Variants in PLEKHA7 observed in about 807,000 individuals in gnomAD.
The protein encoded by PLEKHA7 is pleckstrin homology domain-containing family A member 7.
PLEKHA7 carries 104 observed loss-of-function variants against 170.0 expected under a neutral mutation model. That is an observed-to-expected ratio of 0.61 (90% confidence interval 0.52 to 0.72). PLEKHA7 has a LOEUF of 0.72. Ranked by LOEUF, PLEKHA7 falls within the 30% of genes least tolerant of loss-of-function variation. The pLI, the probability that PLEKHA7 is intolerant of heterozygous loss-of-function variation, is 0.00. For synonymous variants in PLEKHA7, 648 were observed against 660.8 expected (o/e 0.98, Z 0.30); for missense variants, 1,615 against 1,671.7 (o/e 0.97, Z 0.59).
At chr11:16,903,525 T>C (rs1254864842) in intron 3 of PLEKHA7, among the ~76,000 whole-genome samples, 1 of 152,202 alleles carries the variant, frequency 6.6e-6, no homozygotes, top group East Asian at 1.9e-4. Flanking sequence ...TCTTTCATTT[T>C]TTTGTTGCCA....
chr11:16,871,182 G>T lies in PLEKHA7; in HGVS notation c.222C>A (p.Asp74Glu), dbSNP rs111789964. 6.2e-7 allele frequency: 1 copy of T among 1,603,310 alleles called. No homozygotes were observed. The highest frequency in any genetic ancestry group is 2.2e-5 in the East Asian group (1 of 44,758). Residue 74 changes from aspartate to glutamate, a missense_variant and splice_region_variant, in exon 4 of 27, where the codon GAC (aspartate) becomes GAA (glutamate). By Grantham distance (45) the Asp-to-Glu change is conservative. Coordinates refer to ENST00000531066, the MANE Select transcript of PLEKHA7 (RefSeq NM_001329630.2). Reference protein sequence around the residue: ...FTEEGASYFIDHNQQTTAFRH... With the variant: ...FTEEGASYFIEHNQQTTAFRH... ...TGAATGCTGTGGTCTGCTGGTTATG[G>T]CTAAAGAGAAAGAGAGAAGATGGAT...
chr11:16,913,110 G>T (rs1303818082), intron 3 of PLEKHA7, among the ~76,000 whole-genome samples: 1 of 152,146 alleles, frequency 6.6e-6, no homozygotes, highest in Non-Finnish European at 1.5e-5. Context: ...CTCCCACAAT[G>T]ACAGCCGGAT....
At chr11:16,866,075 C>T (rs1405492018) in intron 4 of PLEKHA7, among the ~76,000 whole-genome samples, 5 of 151,590 alleles carry the variant, frequency 3.3e-5, no homozygotes, top group Non-Finnish European at 5.9e-5. Context: ...CTGACCCACC[C>T]GCCTTGGCCT....
intron 3 of PLEKHA7, among the ~76,000 whole-genome samples, chr11:16,895,896 T>C (rs996460277): frequency 3.9e-5 from 6 of 152,150 alleles, no homozygotes; most frequent in Admixed American, 1.3e-4. Context: ...CCAAAATTGA[T>C]TAAGAGAGAA....
At chr11:16,890,359 G>C (rs759423097) in intron 3 of PLEKHA7, among the ~76,000 whole-genome samples, 5 of 152,072 alleles carry the variant, frequency 3.3e-5, no homozygotes, top group African/African-American at 1.2e-4. Flanking sequence ...CTGGTGGAAT[G>C]GATTTAAAAA....
At position 16,826,565 on chromosome 11, in the gene PLEKHA7, C is replaced by G; in HGVS notation, c.898G>C (p.Ala300Pro). 6.2e-7 allele frequency: 1 copy of G among 1,613,668 alleles called. No homozygotes were observed. The highest frequency in any genetic ancestry group is 8.5e-7 in the Non-Finnish European group (1 of 1,179,906). Residue 300 changes from alanine to proline, a missense_variant, in exon 10 of 27, where the codon GCT becomes CCT. Physicochemically the swap from Ala to Pro is conservative, Grantham distance 27. Coordinates refer to ENST00000531066, the MANE Select transcript of PLEKHA7 (RefSeq NM_001329630.2). ...KRDMEKVERQ[A>P]VPQANHTESC... ...TCTGTGTGGTTGGCCTGGGGGACAG[C>G]CTGCCGCTCCACCTTCTCCATATCC...
intron 23 of PLEKHA7, chr11:16,786,690 C>T (rs1849419615): frequency 1.0e-6 from 1 of 985,282 alleles, no homozygotes; most frequent in African/African-American, 1.7e-5. Flanking sequence ...AGAGGGTGAC[C>T]TCCAAACAAC....
chr11:16,981,150 C>T (rs1006132221), intron 3 of PLEKHA7, among the ~76,000 whole-genome samples: 17 of 151,768 alleles, frequency 1.1e-4, no homozygotes, highest in Admixed American at 1.0e-3. Context: ...CAGATGAGGC[C>T]CTTACAAGGA....
At chr11:16,845,909 T>C (rs1379047228) in intron 8 of PLEKHA7, among the ~76,000 whole-genome samples, 2 of 152,020 alleles carry the variant, frequency 1.3e-5, no homozygotes, top group Non-Finnish European at 2.9e-5. Context: ...GGACTGGATA[T>C]GGGAGGAGAG....
At chr11:16,818,396 T>C (rs527374203) in intron 10 of PLEKHA7, among the ~76,000 whole-genome samples, 211 of 152,366 alleles carry the variant, frequency 1.4e-3, no homozygotes, top group African/African-American at 4.7e-3. Context: ...CTTACTCTTA[T>C]AACACTGTTC....
In PLEKHA7 at chr11:16,789,497, A is replaced by G. The variant is rs1020403467; in HGVS notation, c.3157-201T>C. 1 of 627,102 alleles carries G rather than the reference A, an allele frequency of 1.6e-6. No individual in the cohort carries two copies. The highest frequency in any genetic ancestry group is 1.8e-5 in the African/African-American group (1 of 54,456). 38.8% of individuals were successfully genotyped at this position (627,102 alleles called of 1,614,324 possible). A position where few individuals can be genotyped will look rare whatever the true frequency, so the allele number is the denominator to read the frequency against. ...CTCAGGAGCTTTCTGAGTAGCACCC[A>G]TTCTGCAGATGCAGACACTTAGGCT... On this transcript the variant is annotated intron_variant, in intron 22 of 26. Coordinates refer to ENST00000531066, the MANE Select transcript of PLEKHA7 (RefSeq NM_001329630.2). The surrounding 1 kb of genome is among the most constrained non-coding windows in gnomAD (Gnocchi z 4.6).
chr11:16,900,757 T>A (rs1857275539), intron 3 of PLEKHA7, among the ~76,000 whole-genome samples: 1 of 152,072 alleles, frequency 6.6e-6, no homozygotes, highest in Non-Finnish European at 1.5e-5. Context: ...ACTCATGAGA[T>A]CTCTCACTTT....
rs1864259178 is a variant in PLEKHA7, at chr11:16,995,062, T to A, written c.221+18927A>T. ...ATATCCTACACACAGTAGTACTTTC[T>A]ATATTCAAGACTATTCTGAGTACTT... On this transcript the variant is annotated intron_variant, in intron 3 of 26. Coordinates refer to ENST00000531066, the MANE Select transcript of PLEKHA7 (RefSeq NM_001329630.2). 2.6e-5 allele frequency among the ~76,000 whole-genome samples: 4 copies of A among 152,242 alleles called. No individual in the cohort carries two copies. In the South Asian group the frequency reaches 8.3e-4, roughly 32 times the overall value.
At chr11:16,869,259 G>GTC (rs1854640316) in intron 4 of PLEKHA7, among the ~76,000 whole-genome samples, 1 of 152,168 alleles carries the variant, frequency 6.6e-6, no homozygotes, top group South Asian at 2.1e-4. Flanking sequence ...GCCCCTGACT[G>GTC]TCATCTCCCA....
intron 3 of PLEKHA7, among the ~76,000 whole-genome samples, chr11:16,899,128 A>T (rs1013233922): frequency 2.0e-5 from 3 of 152,226 alleles, no homozygotes; most frequent in Non-Finnish European, 4.4e-5. Flanking sequence ...GAGCTCTTGG[A>T]TGGTGTTTTC....
At chr11:16,811,438 G>A (rs556149710) in intron 13 of PLEKHA7, among the ~76,000 whole-genome samples, 4 of 152,320 alleles carry the variant, frequency 2.6e-5, no homozygotes, top group African/African-American at 7.2e-5. Context: ...GCTGCTGACT[G>A]GCTGTCAGGG....
At chr11:16,946,605 C>A (rs1278205656) in intron 3 of PLEKHA7, among the ~76,000 whole-genome samples, 1 of 152,174 alleles carries the variant, frequency 6.6e-6, no homozygotes, top group Non-Finnish European at 1.5e-5. Flanking sequence ...ATGCCACAAA[C>A]CTGCCCACAA....
chr11:16,871,723 A>C (rs1174446477), intron 3 of PLEKHA7, among the ~76,000 whole-genome samples: 1 of 152,158 alleles, frequency 6.6e-6, no homozygotes. Flanking sequence ...CGACCTGCAC[A>C]ATTTCAGCAC....
intron 3 of PLEKHA7, among the ~76,000 whole-genome samples, chr11:17,010,928 C>A (rs1865287852): frequency 6.6e-6 from 1 of 152,234 alleles, no homozygotes; most frequent in Non-Finnish European, 1.5e-5. Context: ...AAAATTGTCA[C>A]AGAAGGACGT....
Sources: allele counts gnomAD v4.1 joint callset (sites outside exome capture counted in the v4.1 genomes callset), GRCh38; gene constraint gnomAD v4.1.1; non-coding constraint Gnocchi (gnomAD v3.1); transcripts MANE v1.5; gene names NCBI Gene and HGNC (gene_info 2026-07-23, HGNC 2026-07-21).